PDE8B: variants seen among roughly 807,000 people sequenced by gnomAD.
The protein encoded by PDE8B is phosphodiesterase 8B, also known as high affinity cAMP-specific and IBMX-insensitive 3',5'-cyclic phosphodiesterase 8B.
Under a neutral mutation model 101.3 loss-of-function variants are expected in PDE8B, and 26 were observed. The observed-to-expected ratio is 0.26, with a 90% CI of 0.19 to 0.36. The LOEUF (loss-of-function observed/expected upper bound fraction) is 0.36. Among genes scored for constraint, PDE8B ranks in the 10% least tolerant of loss-of-function variants. PDE8B has a pLI of 1.00. For synonymous variants in PDE8B, 424 were observed against 429.3 expected, an observed-to-expected ratio of 0.99 and a Z score of 0.15; for missense variants, 810 against 1,163.1, an observed-to-expected ratio of 0.70 and a Z score of 4.42.
chr5:77,418,157 GCA>G lies in PDE8B; in HGVS notation c.1912-69_1912-68del. Reference sequence around the variant, plus strand: ...CTCAAATCCCCTGACCCGACCCTCCGCACAGACAAGGATGGATGTGGGTCTCC... The same window carrying G: ...CTCAAATCCCCTGACCCGACCCTCCGCAGACAAGGATGGATGTGGGTCTCC... On this transcript the variant is annotated intron_variant, in intron 17 of 21. Coordinates refer to ENST00000264917, the MANE Select transcript of PDE8B (RefSeq NM_003719.5). The G allele has an allele frequency of 3.0e-6, 3 of 1,006,214 alleles. No homozygotes were observed. In the South Asian group the frequency reaches 3.9e-5, roughly 13 times the overall value. 62.3% of individuals were successfully genotyped at this position (1,006,214 alleles called of 1,614,324 possible).
In PDE8B at chr5:77,365,458, G is replaced by A. The variant is rs145761543; in HGVS notation, c.1167+12052G>A. Among the ~76,000 whole-genome samples the A allele has an allele frequency of 1.4e-4, 22 of 152,322 alleles. 1 individual carries two copies. The highest frequency in any genetic ancestry group is 2.2e-4 in the African/African-American group (9 of 41,572). On this transcript the variant is annotated intron_variant, in intron 10 of 21. Coordinates refer to ENST00000264917, the MANE Select transcript of PDE8B (RefSeq NM_003719.5). Reference sequence around the variant, plus strand: ...GCAGGCTGATAGAAGGATGGCCTTTGTATAATTCTCACAAGGAAGACCAGG... The same window carrying A: ...GCAGGCTGATAGAAGGATGGCCTTTATATAATTCTCACAAGGAAGACCAGG...
intron 1 of PDE8B, among the ~76,000 whole-genome samples, chr5:77,288,364 G>A (rs1766486631): frequency 6.6e-6 from 1 of 152,222 alleles, no homozygotes; most frequent in African/African-American, 2.4e-5. Flanking sequence ...GACACCAAAA[G>A]CCACATTTTC....
chr5:77,404,270 G>A (rs1202819717), intron 11 of PDE8B, among the ~76,000 whole-genome samples: 2 of 152,142 alleles, frequency 1.3e-5, no homozygotes, highest in Admixed American at 6.5e-5. Context: ...ATAGGCATGA[G>A]CCACTGTGCC....
the PDE8B span, among the ~76,000 whole-genome samples, chr5:77,090,397 T>G: frequency 6.6e-6 from 1 of 152,140 alleles, no homozygotes; most frequent in Non-Finnish European, 1.5e-5. Flanking sequence ...TCTGAGTAGC[T>G]GGGACTAAGG....
chr5:77,140,542 C>T, the PDE8B span: 4 of 152,266 alleles, frequency 2.6e-5, no homozygotes, highest in Admixed American at 6.5e-5. Context: ...GGGGATTTCC[C>T]TTTCTCTCTG....
intron 10 of PDE8B, among the ~76,000 whole-genome samples, chr5:77,388,509 C>G (rs1419455315): frequency 1.3e-5 from 2 of 152,188 alleles, no homozygotes; most frequent in East Asian, 3.9e-4. Context: ...TGTCTGTCGG[C>G]CCCTACTGGG....
chr5:77,155,589 G>A, the PDE8B span, among the ~76,000 whole-genome samples: 1 of 152,240 alleles, frequency 6.6e-6, no homozygotes, highest in African/African-American at 2.4e-5. Flanking sequence ...TTGTGGTAAA[G>A]ATGAAAGGTA....
intron 1 of PDE8B, among the ~76,000 whole-genome samples, chr5:77,257,737 A>G (rs1037753500): frequency 3.3e-5 from 5 of 152,118 alleles, no homozygotes; most frequent in African/African-American, 1.2e-4. Context: ...AACATGTGCC[A>G]TGGTGGTTTG....
intron 1 of PDE8B, among the ~76,000 whole-genome samples, chr5:77,294,577 T>TA (rs879632566): frequency 1.6e-4 from 24 of 149,562 alleles, no homozygotes; most frequent in Middle Eastern, 3.4e-3. Context: ...GAATGCAAAT[T>TA]AAAAAAAACA....
the PDE8B span, among the ~76,000 whole-genome samples, chr5:77,198,388 C>A: frequency 6.6e-6 from 1 of 152,090 alleles, no homozygotes; most frequent in Non-Finnish European, 1.5e-5. Context: ...TATTTTAGTA[C>A]CTACTAAACT....
chr5:77,425,209 G>A (rs1056111564), intron 20 of PDE8B, among the ~76,000 whole-genome samples: 21 of 152,160 alleles, frequency 1.4e-4, no homozygotes, highest in Non-Finnish European at 2.9e-4. Context: ...GCAGATCCCA[G>A]AAAAGGGGCT....
the PDE8B span, among the ~76,000 whole-genome samples, chr5:77,201,533 G>A: frequency 6.6e-6 from 1 of 152,096 alleles, no homozygotes; most frequent in East Asian, 1.9e-4. Flanking sequence ...CAAGATTCTG[G>A]GTCCCAGAAA....
intron 21 of PDE8B, chr5:77,426,104 T>G (rs72769018): frequency 0.022 from 13,820 of 628,710 alleles, 207 homozygotes; most frequent in Middle Eastern, 0.048. Context: ...TGATGGATTT[T>G]TGATAGCTGG....
rs1433304498 is a variant in PDE8B, at chr5:77,426,139, AG to A, written c.2548+245del. On this transcript the variant is annotated intron_variant, in intron 21 of 21. Coordinates refer to ENST00000264917, the MANE Select transcript of PDE8B (RefSeq NM_003719.5). ...GATAAACGAGTCTCTGCCTCTTCAA[AG>A]GACACGCTGCCAAAGCTTACTGCAG... 6.4e-5 allele frequency: 38 copies of A among 597,238 alleles called. No homozygotes were observed. In the African/African-American group the frequency reaches 7.1e-4, roughly 11 times the overall value. The allele number at this position is 597,238 out of a possible 1,614,324, so 37.0% of individuals were successfully genotyped here.
chr5:77,160,428 T>C, the PDE8B span, among the ~76,000 whole-genome samples: 1 of 152,088 alleles, frequency 6.6e-6, no homozygotes. Flanking sequence ...GTATTTTCAA[T>C]CTATGGTTGG....
intron 10 of PDE8B, among the ~76,000 whole-genome samples, chr5:77,361,380 T>G (rs548110531): frequency 6.6e-6 from 1 of 152,330 alleles, no homozygotes; most frequent in South Asian, 2.1e-4. Context: ...AGTTTCATTG[T>G]GAATAACCCA....
chr5:77,244,749 A>G (rs752505126), intron 1 of PDE8B, among the ~76,000 whole-genome samples: 28 of 152,102 alleles, frequency 1.8e-4, no homozygotes, highest in Admixed American at 7.2e-4. Flanking sequence ...CAAGAGATGG[A>G]GTGACCTGCC....
At position 77,412,202 on chromosome 5, in the gene PDE8B, A is replaced by G. The variant is rs778290574; in HGVS notation, c.1679A>G (p.Asn560Ser). 3 of 1,614,152 alleles carry G rather than the reference A, an allele frequency of 1.9e-6. No homozygotes were observed. Among genetic ancestry groups the G allele is most frequent in the Admixed American group, 1.7e-5 (1 of 60,030 alleles). ...LLDNEESWDF[N>S]IFELEAITHK... Reference sequence around the variant, plus strand: ...GATAATGAGGAGAGTTGGGACTTCAACATCTTTGAATTGGAAGCCATTACG... The same window carrying G: ...GATAATGAGGAGAGTTGGGACTTCAGCATCTTTGAATTGGAAGCCATTACG... Residue 560 changes from asparagine (N) to serine (S), a missense_variant, in exon 16 of 22, where the codon AAC (asparagine) becomes AGC (serine). Asn to Ser is a conservative substitution (Grantham distance 46, BLOSUM62 1). This residue lies in a region of PDE8B where 325 missense variants were observed against 560.9 expected (regional missense o/e 0.58). Transcript: ENST00000264917.
intron 10 of PDE8B, among the ~76,000 whole-genome samples, chr5:77,366,255 T>C (rs1040263970): frequency 1.3e-5 from 2 of 152,186 alleles, no homozygotes; most frequent in South Asian, 2.1e-4. Context: ...AAATCTTCAA[T>C]AGATCATCGT....
Sources: gnomAD v4.1 joint callset for allele counts (sites outside exome capture counted in the v4.1 genomes callset) on GRCh38, gnomAD v4.1.1 for gene constraint, gnomAD v4.1.1 regional missense constraint, MANE v1.5 for transcripts, NCBI Gene and HGNC (gene_info 2026-07-23, HGNC 2026-07-21) for gene names.